TNS4: variants seen among roughly 807,000 people sequenced by gnomAD.
TNS4 encodes tensin 4.
In TNS4, 46 loss-of-function variants were observed where a neutral mutation model predicts 70.4. The observed-to-expected ratio is 0.65, with a 90% CI of 0.52 to 0.84. TNS4 has a LOEUF of 0.84. TNS4 is among the 40% of genes least tolerant of loss of function. The pLI, the probability that TNS4 is intolerant of heterozygous loss-of-function variation, is 0.00. For synonymous variants in TNS4, 390 were observed against 366.6 expected (o/e 1.06, Z -0.73); for missense variants, 863 against 907.0 (o/e 0.95, Z 0.62).
chr17:40,498,848 C>T (rs1001560749), intron 1 of TNS4, among the ~76,000 whole-genome samples: 1 of 152,026 alleles, frequency 6.6e-6, no homozygotes, highest in African/African-American at 2.4e-5. Context: ...TGTGCCTGGC[C>T]TTATTTATTT....
At chr17:40,500,803 C>T (rs1429725252) in intron 1 of TNS4, among the ~76,000 whole-genome samples, 2 of 152,146 alleles carry the variant, frequency 1.3e-5, no homozygotes, top group African/African-American at 4.8e-5. Flanking sequence ...CCATCCCTCC[C>T]ACCCAGACCC....
At position 40,487,155 on chromosome 17, in the gene TNS4, C is replaced by T. The variant is rs150836111; in HGVS notation, c.1169G>A (p.Arg390Gln). The T allele has an allele frequency of 2.2e-5, 36 of 1,614,094 alleles. No homozygotes were observed. Among genetic ancestry groups the T allele is most frequent in the African/African-American group, 1.9e-4 (14 of 75,002 alleles). ...CPEPGSSPPQ[R>Q]TPGHQNSVQP... ...AACGGAGTTCTGGTGTCCTGGGGTC[C>T]GCTGGGGTGGAGAAGACCCTGGTTC... Residue 390 changes from arginine (R) to glutamine (Q), a missense_variant, in exon 4 of 13, where the codon CGG becomes CAG. Physicochemically the swap from Arg to Gln is conservative, Grantham distance 43 (BLOSUM62 1). Coordinates refer to ENST00000254051, the MANE Select transcript of TNS4 (RefSeq NM_032865.6).
intron 1 of TNS4, among the ~76,000 whole-genome samples, chr17:40,500,939 C>T (rs1311721262): frequency 3.3e-5 from 5 of 152,272 alleles, no homozygotes; most frequent in Middle Eastern, 3.4e-3. Context: ...AGGCGAGAGG[C>T]CTGGGTTCTG....
In TNS4 at chr17:40,479,672, ACTT is replaced by A. The variant is rs745632024; in HGVS notation, c.1909_1910+1del. On this transcript the variant is annotated splice_donor_variant and coding_sequence_variant, in exon 10 of 13. Coordinates refer to ENST00000254051, the MANE Select transcript of TNS4 (RefSeq NM_032865.6). LOFTEE classifies it high-confidence loss of function. Reference sequence around the variant, plus strand: ...AGCCCCAGGGCAAGGGAAGGCCCTTACTTCCTCTGGACATCAGTCAGAGTGATG... The same window carrying A: ...AGCCCCAGGGCAAGGGAAGGCCCTTACCTCTGGACATCAGTCAGAGTGATG... 1.2e-6 allele frequency: 2 copies of A among 1,612,502 alleles called. No individual in the cohort carries two copies. The highest frequency in any genetic ancestry group is 2.7e-5 in the African/African-American group (2 of 74,900).
chr17:40,483,796 A>C (rs376131831), intron 6 of TNS4, among the ~76,000 whole-genome samples: 44 of 152,318 alleles, frequency 2.9e-4, no homozygotes, highest in Non-Finnish European at 5.9e-4. Context: ...TTATCACTTA[A>C]TTGCTCTGGA....
Position 40,487,277 on chromosome 17 carries a change from G to T in TNS4, c.1047C>A (p.His349Gln), listed in dbSNP as rs375831679. The T allele has an allele frequency of 4.3e-6, 7 of 1,613,998 alleles. No homozygotes were observed. Among genetic ancestry groups the T allele is most frequent in the Non-Finnish European group, 5.9e-6 (7 of 1,179,948 alleles). Reference sequence around the variant, plus strand: ...CATGTTCTTTGGCCAGTGGTGGAGAGTGGGGTGTTCTGGGTTGGCCCATGG... The same window carrying T: ...CATGTTCTTTGGCCAGTGGTGGAGATTGGGGTGTTCTGGGTTGGCCCATGG... ...TLTMGQPRTP[H>Q]SPPLAKEHAS... The change falls in exon 4 of 13, where the codon CAC becomes CAA. Residue 349 changes from histidine (H) to glutamine (Q), a missense_variant. His to Gln is a conservative substitution (Grantham distance 24). Coordinates refer to ENST00000254051, the MANE Select transcript of TNS4 (RefSeq NM_032865.6).
chr17:40,489,080 G>A (rs546320849), intron 2 of TNS4, 111 bp from the exon 3 acceptor site: 3 of 1,024,432 alleles, frequency 2.9e-6, no homozygotes, highest in South Asian at 2.1e-5. Context: ...TTATAGAGAC[G>A]AGGACACTGA....
intron 2 of TNS4, among the ~76,000 whole-genome samples, chr17:40,494,564 T>G (rs755343208): frequency 3.3e-5 from 5 of 152,106 alleles, no homozygotes; most frequent in Admixed American, 6.5e-5. Context: ...AAACCCTATC[T>G]CTACTGAAAA....
In TNS4 at chr17:40,482,344, G is replaced by A. The variant is rs2035933174; in HGVS notation, c.1574C>T (p.Ala525Val). 2 of 1,614,140 alleles carry A rather than the reference G, an allele frequency of 1.2e-6. No homozygotes were observed. The highest frequency in any genetic ancestry group is 1.7e-6 in the Non-Finnish European group (2 of 1,180,038). Reference protein sequence around the residue: ...SSAKGVHLKGADEEPYFGSLS... With the variant: ...SSAKGVHLKGVDEEPYFGSLS... ...CTCACCAAAGTAGGGCTCCTCATCT[G>A]CTCCTTTGAGATGCACTCCTTTGGC... The change falls in exon 7 of 13, where the codon GCA becomes GTA. Residue 525 changes from alanine to valine, a missense_variant. Physicochemically the swap from Ala to Val is moderately conservative, Grantham distance 64 (BLOSUM62 0). Coordinates refer to ENST00000254051, the MANE Select transcript of TNS4 (RefSeq NM_032865.6).
At chr17:40,495,959 C>A (rs780401849) in intron 2 of TNS4, 28 bp downstream of exon 2, 2 of 1,580,300 alleles carry the variant, frequency 1.3e-6, no homozygotes, top group African/African-American at 1.4e-5. Flanking sequence ...CCAAGCCCCC[C>A]TCCTGGTACT....
In TNS4 at chr17:40,478,352, A is replaced by G; in HGVS notation, c.1980-19T>C. ...CTGCCACCTGTAGGAAAAGAACATG[A>G]TACCGAGTAATGAGGCTTCGCTCCA... is the stretch of plus-strand genomic sequence containing the variant. On this transcript the variant is annotated intron_variant, in intron 11 of 12. Transcript: ENST00000254051. 1 of 1,609,418 alleles carries G rather than the reference A, an allele frequency of 6.2e-7. No individual in the cohort carries two copies. Among genetic ancestry groups the G allele is most frequent in the Non-Finnish European group, 8.5e-7 (1 of 1,178,684 alleles).
chr17:40,496,830 T>C (rs1012561020), intron 1 of TNS4, among the ~76,000 whole-genome samples: 5 of 152,266 alleles, frequency 3.3e-5, no homozygotes, highest in Non-Finnish European at 5.9e-5. Context: ...TAGATGTTTA[T>C]TGAACATCTA....
intron 1 of TNS4, among the ~76,000 whole-genome samples, chr17:40,499,594 C>T (rs1173188225): frequency 1.3e-5 from 2 of 152,228 alleles, no homozygotes; most frequent in Non-Finnish European, 2.9e-5. Flanking sequence ...CCCGTGGCTC[C>T]GGTAGGTCTG....
intron 10 of TNS4, among the ~76,000 whole-genome samples, chr17:40,479,179 A>G (rs1264958413): frequency 6.6e-6 from 1 of 151,194 alleles, no homozygotes; most frequent in Non-Finnish European, 1.5e-5. Flanking sequence ...ATGGAGTTTC[A>G]CTCTGTCACC....
Position 40,487,131 on chromosome 17 carries a change from A to G in TNS4, c.1193T>C (p.Val398Ala). 6.2e-6 allele frequency: 10 copies of G among 1,614,172 alleles called. No individual in the cohort carries two copies. The highest frequency in any genetic ancestry group is 8.5e-6 in the Non-Finnish European group (10 of 1,180,030). Residue 398 changes from valine (V) to alanine (A), a missense_variant, in exon 4 of 13, where the codon GTT (valine) becomes GCT (alanine). By Grantham distance (64) the Val-to-Ala change is moderately conservative. Coordinates refer to ENST00000254051, the MANE Select transcript of TNS4 (RefSeq NM_032865.6). ...PQRTPGHQNS[V>A]QPGAASPSNP... ...GCTGGGAGAAGCAGCTCCAGGTTGA[A>G]CGGAGTTCTGGTGTCCTGGGGTCCG...
intron 3 of TNS4, 133 bp from the exon 4 acceptor site, chr17:40,487,593 A>G: frequency 1.2e-6 from 1 of 841,294 alleles, no homozygotes; most frequent in Non-Finnish European, 1.8e-6. Flanking sequence ...CCCACCCCCT[A>G]CAGCCCACAG....
chr17:40,498,836 G>A (rs1468704659), intron 1 of TNS4, among the ~76,000 whole-genome samples: 1 of 152,054 alleles, frequency 6.6e-6, no homozygotes, highest in Non-Finnish European at 1.5e-5. Flanking sequence ...GGTGTGAGCC[G>A]CTGTGCCTGG....
At chr17:40,485,565 A>T (rs1006778202) in intron 4 of TNS4, among the ~76,000 whole-genome samples, 1 of 152,240 alleles carries the variant, frequency 6.6e-6, no homozygotes, top group Non-Finnish European at 1.5e-5. Context: ...CAAGTGGACT[A>T]AACAGCTTCT....
chr17:40,488,765 A>G lies in TNS4; in HGVS notation c.644T>C (p.Leu215Pro). The change falls in exon 3 of 13, where the codon CTG becomes CCG. Residue 215 changes from leucine to proline, a missense_variant. Transcript: ENST00000254051. Reference protein sequence around the residue: ...GNQGRGHQRPLPPSEGLSPRP... With the variant: ...GNQGRGHQRPPPPSEGLSPRP... ...AGGGGAGAGACCCTCTGAGGGGGGCAGAGGGCGCTGGTGCCCCCTGCCCTG... is the reference window on the plus strand; with the variant it reads ...AGGGGAGAGACCCTCTGAGGGGGGCGGAGGGCGCTGGTGCCCCCTGCCCTG... 1.9e-6 allele frequency: 3 copies of G among 1,608,224 alleles called. No individual in the cohort carries two copies. The highest frequency in any genetic ancestry group is 1.7e-4 in the Middle Eastern group (1 of 6,008).
Sources: allele counts gnomAD v4.1 joint callset (sites outside exome capture counted in the v4.1 genomes callset), GRCh38; gene constraint gnomAD v4.1.1; transcripts MANE v1.5; gene names NCBI Gene and HGNC (gene_info 2026-07-23, HGNC 2026-07-21).